Variants in ESR1 observed in about 807,000 individuals in gnomAD.
ESR1 encodes the protein estrogen receptor 1.
A neutral mutation model predicts 52.7 loss-of-function variants in ESR1; 12 were observed. That is an observed-to-expected ratio of 0.23 (90% CI 0.15 to 0.37). The LOEUF is 0.37. ESR1 is among the 10% of genes least tolerant of loss of function. The pLI is 1.00. For missense variants in ESR1, 584 were observed against 779.7 expected (o/e 0.75, Z 2.99); for synonymous variants, 305 against 316.8 (o/e 0.96, Z 0.39).
intron 4 of ESR1, among the ~76,000 whole-genome samples, chr6:152,008,530 C>T (rs574831291): frequency 4.5e-4 from 68 of 152,180 alleles, no homozygotes; most frequent in Middle Eastern, 3.4e-3. Flanking sequence ...CTAAATAATA[C>T]TGGAACTGTA....
At chr6:151,945,119 G>A (rs567469320) in intron 4 of ESR1, among the ~76,000 whole-genome samples, 5 of 152,232 alleles carry the variant, frequency 3.3e-5, no homozygotes, top group South Asian at 4.1e-4. Flanking sequence ...GGGGGAGGCC[G>A]AGGTGAGAGG....
intron 5 of ESR1, among the ~76,000 whole-genome samples, chr6:152,012,348 GT>G (rs753000352): frequency 0.023 from 3,263 of 140,166 alleles, 101 homozygotes; most frequent in African/African-American, 0.078. Flanking sequence ...GGGTCCCATT[GT>G]TTTTTTTTTT....
chr6:151,877,109 T>C (rs1791967181), intron 2 of ESR1, among the ~76,000 whole-genome samples: 1 of 152,042 alleles, frequency 6.6e-6, no homozygotes, highest in African/African-American at 2.4e-5. Flanking sequence ...AAAAAGAATT[T>C]CTTCTTTTTT....
intron 2 of ESR1, among the ~76,000 whole-genome samples, chr6:151,777,627 T>C (rs565892311): frequency 6.6e-6 from 1 of 152,150 alleles, no homozygotes; most frequent in Non-Finnish European, 1.5e-5. Flanking sequence ...GAGGCCAGAA[T>C]GCTGAACTCA....
At chr6:152,045,667 C>T (rs1357357550) in intron 5 of ESR1, among the ~76,000 whole-genome samples, 1 of 152,048 alleles carries the variant, frequency 6.6e-6, no homozygotes, top group African/African-American at 2.4e-5. Context: ...TGCTTGTTAG[C>T]ACTGAGTAAG....
intron 2 of ESR1, among the ~76,000 whole-genome samples, chr6:151,857,381 A>G (rs371700768): frequency 3.3e-5 from 5 of 152,076 alleles, no homozygotes; most frequent in Admixed American, 2.6e-4. Flanking sequence ...TTAAACATCT[A>G]TAGATTTTGG....
intron 6 of ESR1, among the ~76,000 whole-genome samples, chr6:152,064,382 C>A (rs992850816): frequency 1.3e-5 from 2 of 152,216 alleles, no homozygotes; most frequent in Non-Finnish European, 2.9e-5. Context: ...AGTTTTCCTG[C>A]ATATCATTCA....
chr6:151,989,332 A>C (rs955098493), intron 4 of ESR1, among the ~76,000 whole-genome samples: 1 of 152,086 alleles, frequency 6.6e-6, no homozygotes, highest in African/African-American at 2.4e-5. Flanking sequence ...AGGTTTAATA[A>C]ATGTTTTGTG....
intron 3 of ESR1, among the ~76,000 whole-genome samples, chr6:151,921,024 G>A (rs71575915): frequency 0.15 from 22,766 of 151,964 alleles, 2,423 homozygotes; most frequent in African/African-American, 0.29. Context: ...GCACCCGTCA[G>A]CTCATCACCT....
At chr6:151,708,439 G>A (rs1780339892) in intron 2 of ESR1, among the ~76,000 whole-genome samples, 1 of 152,034 alleles carries the variant, frequency 6.6e-6, no homozygotes, top group Non-Finnish European at 1.5e-5. Context: ...GTAAGTCCCA[G>A]GAGTAGAATT....
intron 4 of ESR1, among the ~76,000 whole-genome samples, chr6:151,995,206 TA>T (rs2041371170): frequency 6.6e-6 from 1 of 152,154 alleles, no homozygotes; most frequent in African/African-American, 2.4e-5. Context: ...CCTGAATCCA[TA>T]AAAGGGCTTT....
In ESR1 at chr6:152,116,557, T is replaced by G. The variant is rs141398977; in HGVS notation, c.851-8709T>G. Reference sequence around the variant, plus strand: ...GAGAGAGTAGATAGGAAACTTAGTTTTCTGTGAAACACAAGAGGATCTTTT... The same window carrying G: ...GAGAGAGTAGATAGGAAACTTAGTTGTCTGTGAAACACAAGAGGATCTTTT... On this transcript the variant is annotated intron_variant, in intron 6 of 6. Transcript: ENST00000427531. Among the ~76,000 whole-genome samples the G allele has an allele frequency of 2.4e-4, 37 of 152,330 alleles. No homozygotes were observed. The East Asian group carries it at 6.0e-3, about 25-fold the overall frequency.
chr6:151,868,546 A>G (rs543866927), intron 2 of ESR1, among the ~76,000 whole-genome samples: 1 of 149,358 alleles, frequency 6.7e-6, no homozygotes, highest in South Asian at 2.2e-4. Context: ...CCCACTTATA[A>G]GTGAGAACAC....
At chr6:152,055,821 A>G (rs1249404877) in intron 5 of ESR1, among the ~76,000 whole-genome samples, 2 of 152,198 alleles carry the variant, frequency 1.3e-5, no homozygotes, top group Admixed American at 6.5e-5. Context: ...CTAGCTTGCT[A>G]TGTTTTCTTA....
intron 2 of ESR1, among the ~76,000 whole-genome samples, chr6:151,851,568 C>T (rs1045697606): frequency 6.8e-6 from 1 of 146,770 alleles, no homozygotes; most frequent in Non-Finnish European, 1.5e-5. Flanking sequence ...CACTCTGTCA[C>T]TGAGGCTGCA....
intron 1 of ESR1, among the ~76,000 whole-genome samples, chr6:151,701,173 G>T (rs113443149): frequency 2.4e-4 from 36 of 151,306 alleles, no homozygotes; most frequent in Non-Finnish European, 4.9e-4. Context: ...GTTTTGTTCT[G>T]CTGCTGCACA....
chr6:151,713,365 G>A (rs931613677), intron 2 of ESR1, among the ~76,000 whole-genome samples: 1 of 152,164 alleles, frequency 6.6e-6, no homozygotes, highest in Non-Finnish European at 1.5e-5. Flanking sequence ...AATGAGTTAG[G>A]GAGGAGTCCC....
chr6:152,019,712 A>G (rs1241211945), intron 5 of ESR1, among the ~76,000 whole-genome samples: 1 of 152,224 alleles, frequency 6.6e-6, no homozygotes, highest in Non-Finnish European at 1.5e-5. Flanking sequence ...AGTTACATAT[A>G]CTATGCAGGG....
At chr6:151,877,205 C>A (rs1332808374) in intron 2 of ESR1, among the ~76,000 whole-genome samples, 1 of 152,062 alleles carries the variant, frequency 6.6e-6, no homozygotes, top group Non-Finnish European at 1.5e-5. Context: ...TGGTGAGCTG[C>A]ACCCACTAAC....
Sources: allele counts gnomAD v4.1 joint callset (sites outside exome capture counted in the v4.1 genomes callset), GRCh38; gene constraint gnomAD v4.1.1; transcripts MANE v1.5; gene names NCBI Gene and HGNC (gene_info 2026-07-23, HGNC 2026-07-21).